Variants in ASCC2 observed in about 807,000 individuals in gnomAD.
ASCC2 encodes ASC-1 complex subunit P100.
In ASCC2, 42 loss-of-function variants were observed where a neutral mutation model predicts 93.5. The ratio of observed to expected loss-of-function variants is 0.45; its 90% CI spans 0.35 to 0.58. The LOEUF is 0.58. Among genes scored for constraint, ASCC2 ranks in the 20% least tolerant of loss-of-function variants. ASCC2 has a pLI of 0.00. For missense variants in ASCC2, 859 were observed against 977.6 expected, an observed-to-expected ratio of 0.88 and a Z score of 1.62; for synonymous variants, 364 against 384.2, an observed-to-expected ratio of 0.95 and a Z score of 0.62.
intron 1 of ASCC2, 39 bp from the exon 2 acceptor site, chr22:29,832,381 C>T: frequency 3.3e-6 from 5 of 1,508,552 alleles, no homozygotes; most frequent in South Asian, 1.1e-5. Flanking sequence ...AGCAGACACA[C>T]AGACTCCTGG....
intron 15 of ASCC2, among the ~76,000 whole-genome samples, chr22:29,797,288 C>A (rs554743904): frequency 1.3e-5 from 2 of 152,312 alleles, no homozygotes; most frequent in Admixed American, 6.5e-5. Context: ...ACCTCGCCAC[C>A]TTTCCCTTCC....
At chr22:29,820,390 C>T (rs1856112080) in intron 5 of ASCC2, among the ~76,000 whole-genome samples, 1 of 151,884 alleles carries the variant, frequency 6.6e-6, no homozygotes, top group African/African-American at 2.4e-5. Flanking sequence ...TCACGAACTC[C>T]TGACCTCGTG....
chr22:29,812,177 G>C (rs1280278286), intron 8 of ASCC2, among the ~76,000 whole-genome samples: 1 of 152,196 alleles, frequency 6.6e-6, no homozygotes, highest in African/African-American at 2.4e-5. Context: ...TGTTAAATGG[G>C]TGAGTAAATG....
intron 9 of ASCC2, among the ~76,000 whole-genome samples, chr22:29,807,235 CAAAAAAAAAAA>C (rs553545816): frequency 1.1e-4 from 5 of 46,480 alleles, no homozygotes; most frequent in African/African-American, 2.0e-4. Context: ...GACCCTGTCT[CAAAAAAAAAAA>C]AAAAAAAAAA....
chr22:29,796,191 C>T (rs1046235121), intron 15 of ASCC2, among the ~76,000 whole-genome samples: 15 of 152,228 alleles, frequency 9.9e-5, no homozygotes, highest in Admixed American at 3.3e-4. Flanking sequence ...TCACTGCAAC[C>T]TCCACCAGCC....
At chr22:29,790,343 G>A in intron 19 of ASCC2, 126 bp downstream of exon 19, 1 of 897,794 alleles carries the variant, frequency 1.1e-6, no homozygotes, top group Non-Finnish European at 1.7e-6. Context: ...TACTTCACTG[G>A]GTTGTCGTGA....
Position 29,804,685 on chromosome 22 carries a change from C to T in ASCC2, c.1306G>A (p.Ala436Thr). Residue 436 changes from alanine (A) to threonine (T), a missense_variant, in exon 13 of 20, where the codon GCA becomes ACA. By Grantham distance (58) the Ala-to-Thr change is moderately conservative (BLOSUM62 0). Transcript: ENST00000307790. Reference protein sequence around the residue: ...EPNGVTVTAEAVSQASSHPEN... With the variant: ...EPNGVTVTAETVSQASSHPEN... ...GGATGTGATGATGCTTGACTGACTG[C>T]CTCTGCTGTCACCGTGACCCCGTTA... 6.2e-7 allele frequency: 1 copy of T among 1,614,146 alleles called. No homozygotes were observed. The highest frequency in any genetic ancestry group is 8.5e-7 in the Non-Finnish European group (1 of 1,180,012).
rs771288549 is a variant in ASCC2, at chr22:29,806,928, C to G, written c.909-24G>C. The G allele has an allele frequency of 1.4e-5, 22 of 1,590,286 alleles. No individual in the cohort carries two copies. In the South Asian group the frequency reaches 2.4e-4, roughly 18 times the overall value. On this transcript the variant is annotated intron_variant, in intron 9 of 19. Transcript: ENST00000307790. ...GCCTAGGCCAGAGAGAAAAAAGACA[C>G]AGGTTTAGGAGACAAAAAGGCCCTG...
chr22:29,819,475 G>A (rs1225135066), intron 5 of ASCC2, among the ~76,000 whole-genome samples: 1 of 152,110 alleles, frequency 6.6e-6, no homozygotes, highest in Non-Finnish European at 1.5e-5. Context: ...ACAACCCAAT[G>A]TAATCCCTGC....
chr22:29,793,543 C>G lies in ASCC2; in HGVS notation c.1788+34G>C, dbSNP rs2058045596. ...GGGCTCAGGGGCTGGCCTGGTTTCC[C>G]TGGCCCAGCAGAGACCTGGCCTTGG... On this transcript the variant is annotated intron_variant, in intron 16 of 19. Transcript: ENST00000307790. The G allele has an allele frequency of 3.1e-6, 5 of 1,613,778 alleles. No homozygotes were observed. In the East Asian group the frequency reaches 8.9e-5, roughly 29 times the overall value.
intron 5 of ASCC2, among the ~76,000 whole-genome samples, chr22:29,819,398 G>C (rs556649848): frequency 6.6e-6 from 1 of 152,208 alleles, no homozygotes; most frequent in East Asian, 1.9e-4. Context: ...CTGACCTCAG[G>C]TGATCCACCC....
At chr22:29,800,873 G>T in intron 15 of ASCC2, 118 bp downstream of exon 15, 1 of 1,284,844 alleles carries the variant, frequency 7.8e-7, no homozygotes, top group Non-Finnish European at 1.1e-6. Context: ...GGTTGTGAAG[G>T]GATCCCTGTG....
chr22:29,809,937 A>G (rs936399572), intron 8 of ASCC2: 24 of 152,058 alleles, frequency 1.6e-4, no homozygotes, highest in African/African-American at 5.6e-4. Context: ...TGGTACATCC[A>G]TATCTGTCAC....
intron 13 of ASCC2, among the ~76,000 whole-genome samples, chr22:29,803,310 T>C (rs1045700441): frequency 2.0e-5 from 3 of 151,984 alleles, no homozygotes; most frequent in Non-Finnish European, 4.4e-5. Flanking sequence ...TTAAATTAAA[T>C]TAAATTAAAA....
rs781420326 is a variant in ASCC2 at position 29,822,295 on chromosome 22, G to C, written c.541+40C>G. The C allele has an allele frequency of 1.1e-5, 18 of 1,608,772 alleles. No individual in the cohort carries two copies. The Admixed American group carries it at 1.2e-4, about 10-fold the overall frequency. ...GCAACCTTTAGTTTGGCATGTGGGG[G>C]CCATCTTGGTGCATCCTCCCAGTCC... On this transcript the variant is annotated intron_variant, in intron 5 of 19. Transcript: ENST00000307790.
intron 5 of ASCC2, chr22:29,821,905 G>C (rs889731964): frequency 9.0e-6 from 4 of 446,464 alleles, no homozygotes; most frequent in African/African-American, 8.2e-5. Flanking sequence ...AGGCTGAGTT[G>C]GGGGGATAGC....
intron 5 of ASCC2, among the ~76,000 whole-genome samples, chr22:29,816,475 T>C (rs2060866574): frequency 6.6e-6 from 1 of 152,190 alleles, no homozygotes; most frequent in Non-Finnish European, 1.5e-5. Context: ...ATAGGATCTC[T>C]TTGCTCAAGA....
Position 29,790,470 on chromosome 22 carries a change from C to A in ASCC2, c.2101G>T (p.Gly701Trp). Residue 701 changes from glycine to tryptophan, a missense_variant and splice_region_variant, in exon 19 of 20, where the codon GGG becomes TGG. Physicochemically the swap from Gly to Trp is radical, Grantham distance 184. Transcript: ENST00000307790. ...AGAAGCAGCCCCTTGAATGCTCACC[C>A]TTTCTTGGCGAGAAAGGCCATGCGC... ...ARRMAFLAKK[G>W]YRHDSSTAVA... is the part of the protein sequence containing the mutation. The A allele has an allele frequency of 6.2e-7, 1 of 1,614,122 alleles. No individual in the cohort carries two copies.
intron 13 of ASCC2, among the ~76,000 whole-genome samples, chr22:29,802,455 T>C (rs542655883): frequency 1.3e-5 from 2 of 150,550 alleles, no homozygotes; most frequent in East Asian, 3.9e-4. Context: ...ATGTAACCTA[T>C]AAATATATAC....
Sources: allele counts gnomAD v4.1 joint callset (sites outside exome capture counted in the v4.1 genomes callset), GRCh38; gene constraint gnomAD v4.1.1; transcripts MANE v1.5; gene names NCBI Gene and HGNC (gene_info 2026-07-23, HGNC 2026-07-21).